Variants in SLC22A14 observed in about 807,000 individuals in gnomAD.
SLC22A14 encodes the protein solute carrier family 22 member 14, also known as organic cation transporter-like 4.
SLC22A14 carries 50 observed loss-of-function variants against 53.9 expected under a neutral mutation model. The observed-to-expected ratio is 0.93, with a 90% confidence interval of 0.74 to 1.17. The LOEUF (loss-of-function observed/expected upper bound fraction) is 1.17, where lower values mean the gene tolerates loss of function less well. Ranked by LOEUF, SLC22A14 falls within the 50% of genes most tolerant of loss-of-function variation. The pLI, the probability that SLC22A14 is intolerant of heterozygous loss-of-function variation, is 0.00. For missense variants in SLC22A14, 671 were observed against 734.7 expected (o/e 0.91, Z 1.00); for synonymous variants, 312 against 303.0 (o/e 1.03, Z -0.31).
intron 1 of SLC22A14, among the ~76,000 whole-genome samples, chr3:38,286,768 G>T (rs1470348339): frequency 1.3e-5 from 2 of 151,020 alleles, no homozygotes; most frequent in African/African-American, 4.9e-5. Context: ...GTCTTGCTCT[G>T]TTGCCCAGGT....
At chr3:38,294,137 A>G (rs1445037916) in intron 1 of SLC22A14, among the ~76,000 whole-genome samples, 1 of 139,756 alleles carries the variant, frequency 7.2e-6, no homozygotes, top group Non-Finnish European at 1.5e-5. Flanking sequence ...TCTTTGGTTC[A>G]TTGTTTACCC....
At chr3:38,296,370 C>T (rs1403672080) in intron 1 of SLC22A14, among the ~76,000 whole-genome samples, 1 of 151,066 alleles carries the variant, frequency 6.6e-6, no homozygotes. Context: ...GAAAGCCCTT[C>T]CCCAAACAGC....
Position 38,307,763 on chromosome 3 carries a change from G to A in SLC22A14, c.775+43G>A, listed in dbSNP as rs371887827. On this transcript the variant is annotated intron_variant, in intron 4 of 10. Transcript: ENST00000448498. This position sits in a 1 kb window ranked among gnomAD's most constrained non-coding sequence, Gnocchi z 4.4. ...TGGGGCAGGGCAGGGTGGCACAGGG[G>A]CATGGCGGCATAGGCGGGTGACAAG... 192 of 1,606,380 alleles carry A rather than the reference G, an allele frequency of 1.2e-4. No individual in the cohort carries two copies. Among genetic ancestry groups the A allele is most frequent in the Non-Finnish European group, 1.6e-4 (183 of 1,175,152 alleles).
At chr3:38,287,531 G>A (rs1355131047) in intron 1 of SLC22A14, among the ~76,000 whole-genome samples, 1 of 152,054 alleles carries the variant, frequency 6.6e-6, no homozygotes, top group Non-Finnish European at 1.5e-5. Flanking sequence ...TCCCCTCTCA[G>A]ATATCAAAAC....
At chr3:38,289,180 CAAAAA>C (rs1173451784) in intron 1 of SLC22A14, among the ~76,000 whole-genome samples, 908 of 52,916 alleles carry the variant, frequency 0.017, 2 homozygotes, top group African/African-American at 0.067. Context: ...TCTATCTCTA[CAAAAA>C]AAAAAAAAAA....
At chr3:38,283,779 G>A (rs574620448) in intron 1 of SLC22A14, among the ~76,000 whole-genome samples, 4 of 151,038 alleles carry the variant, frequency 2.6e-5, no homozygotes, top group South Asian at 4.2e-4. Flanking sequence ...GCAGTAAGCC[G>A]AGATCACACC....
At chr3:38,293,656 T>C (rs1703961377) in intron 1 of SLC22A14, among the ~76,000 whole-genome samples, 1 of 152,184 alleles carries the variant, frequency 6.6e-6, no homozygotes, top group Non-Finnish European at 1.5e-5. Flanking sequence ...TGGACATCAT[T>C]GAATAATTCA....
chr3:38,296,128 T>C (rs1704031583), intron 1 of SLC22A14, among the ~76,000 whole-genome samples: 2 of 152,186 alleles, frequency 1.3e-5, no homozygotes, highest in Admixed American at 6.5e-5. Flanking sequence ...TTCAAGAAAG[T>C]CGTGGTTGGG....
chr3:38,311,373 C>T (rs1432850531), intron 5 of SLC22A14, among the ~76,000 whole-genome samples: 7 of 152,160 alleles, frequency 4.6e-5, no homozygotes, highest in African/African-American at 1.7e-4. Flanking sequence ...TAGTGCCTGG[C>T]TTCCGCTGAT....
In SLC22A14 at chr3:38,315,643, G is replaced by A; in HGVS notation, c.1464G>A (p.Glu488=). ...CGATCTTGGTGCTCATGCTCAGAGA[G>A]TTCAGCCTGGCCGCCACTGTCACTG... ...SMTILVLMLR[E]FSLAATVTVF... Residue 488 remains glutamate, a synonymous_variant, in exon 9 of 11, where the codon GAG becomes GAA. Transcript: ENST00000448498. 6.2e-7 allele frequency: 1 copy of A among 1,614,156 alleles called. No homozygotes were observed. Among genetic ancestry groups the A allele is most frequent in the Non-Finnish European group, 8.5e-7 (1 of 1,180,026 alleles).
intron 1 of SLC22A14, among the ~76,000 whole-genome samples, chr3:38,296,521 G>A (rs1704041314): frequency 6.6e-6 from 1 of 152,196 alleles, no homozygotes; most frequent in African/African-American, 2.4e-5. Context: ...CACTGCTTTG[G>A]AGATCCCTTT....
At chr3:38,293,303 C>G (rs184833219) in intron 1 of SLC22A14, among the ~76,000 whole-genome samples, 103 of 152,304 alleles carry the variant, frequency 6.8e-4, no homozygotes, top group African/African-American at 2.2e-3. Context: ...ATTTGCCCAG[C>G]CTTTCCCTTT....
intron 1 of SLC22A14, among the ~76,000 whole-genome samples, chr3:38,289,327 C>T (rs2125872250): frequency 6.6e-6 from 1 of 152,164 alleles, no homozygotes; most frequent in South Asian, 2.1e-4. Context: ...AATCTATAGA[C>T]CTAACTTGAA....
At chr3:38,281,639 G>T (rs370855830), upstream of SLC22A14, among the ~76,000 whole-genome samples, 1 of 152,176 alleles carries the variant, frequency 6.6e-6, no homozygotes, top group African/African-American at 2.4e-5. Flanking sequence ...TTACACTCAT[G>T]ACCCAATTAC....
chr3:38,313,488 G>T lies in SLC22A14; in HGVS notation c.1163+3G>T, dbSNP rs1449329660. The T allele has an allele frequency of 6.3e-7, 1 of 1,597,958 alleles. No homozygotes were observed. The highest frequency in any genetic ancestry group is 2.2e-5 in the East Asian group (1 of 44,804). On this transcript the variant is annotated splice_donor_region_variant and intron_variant, in intron 7 of 10. Transcript: ENST00000448498. The stretch of plus-strand genomic sequence containing the variant: ...ACCTTGGTGATGAGCTGTGTGTGGT[G>T]AGTATCCAGGGCTCGCTGGCAGGGA...
rs1704673713 is a variant in SLC22A14 at position 38,318,228 on chromosome 3, A to T, written c.1764A>T (p.Glu588Asp). The change falls in exon 11 of 11, where the codon GAA becomes GAT. Residue 588 changes from glutamate (E) to aspartate (D), a missense_variant. Coordinates refer to ENST00000448498, the MANE Select transcript of SLC22A14 (RefSeq NM_001320033.2). ...RNKVKDMKTK[E>D]TSSDDV Reference sequence around the variant, plus strand: ...AGGTCAAGGACATGAAGACTAAGGAAACATCATCTGATGATGTCTGAGGAA... The same window carrying T: ...AGGTCAAGGACATGAAGACTAAGGATACATCATCTGATGATGTCTGAGGAA... The T allele has an allele frequency of 6.2e-7, 1 of 1,614,012 alleles. No individual in the cohort carries two copies. The highest frequency in any genetic ancestry group is 1.3e-5 in the African/African-American group (1 of 74,930).
At chr3:38,311,457 C>T (rs140650303) in intron 5 of SLC22A14, among the ~76,000 whole-genome samples, 110 of 152,338 alleles carry the variant, frequency 7.2e-4, no homozygotes, top group Admixed American at 1.2e-3. Flanking sequence ...CTTTGTTATT[C>T]ATGGAAAATG....
Sources: gnomAD v4.1 joint callset for allele counts (sites outside exome capture counted in the v4.1 genomes callset) on GRCh38, gnomAD v4.1.1 for gene constraint, Gnocchi (gnomAD v3.1) non-coding constraint, MANE v1.5 for transcripts, NCBI Gene and HGNC (gene_info 2026-07-23, HGNC 2026-07-21) for gene names.